The following FRMD3 variants were observed in gnomAD, a reference collection of about 807,000 sequenced individuals.
FRMD3 encodes FERM domain containing 3.
Under a neutral mutation model 70.2 loss-of-function variants are expected in FRMD3, and 33 were observed. That is an observed-to-expected ratio of 0.47 (90% CI 0.36 to 0.63). The LOEUF is 0.63. Ranked by LOEUF, FRMD3 falls within the 20% of genes least tolerant of loss-of-function variation. FRMD3 has a pLI of 0.00. For synonymous variants in FRMD3, 279 were observed against 255.9 expected (o/e 1.09, Z -0.86); for missense variants, 632 against 711.4 (o/e 0.89, Z 1.27).
At chr9:83,344,410 G>C (rs1823880929) in intron 4 of FRMD3, among the ~76,000 whole-genome samples, 1 of 152,152 alleles carries the variant, frequency 6.6e-6, no homozygotes, top group Admixed American at 6.5e-5. Context: ...CAGATATCTG[G>C]TTCAACATTT....
intron 1 of FRMD3, among the ~76,000 whole-genome samples, chr9:83,466,725 C>T (rs1452209398): frequency 6.6e-6 from 1 of 152,174 alleles, no homozygotes; most frequent in Non-Finnish European, 1.5e-5. Flanking sequence ...CCATGTTGAA[C>T]TTTAACTGTG....
At chr9:83,344,408 T>C (rs1823880822) in intron 4 of FRMD3, among the ~76,000 whole-genome samples, 1 of 152,238 alleles carries the variant, frequency 6.6e-6, no homozygotes, top group African/African-American at 2.4e-5. Context: ...CCCAGATATC[T>C]GGTTCAACAT....
chr9:83,456,350 C>T (rs536310557), intron 1 of FRMD3, among the ~76,000 whole-genome samples: 15 of 152,136 alleles, frequency 9.9e-5, no homozygotes, highest in Non-Finnish European at 2.1e-4. Context: ...TTGAAACAAA[C>T]AGTGCTGCTG....
chr9:83,359,995 T>C (rs1824531916), intron 3 of FRMD3, among the ~76,000 whole-genome samples: 1 of 152,272 alleles, frequency 6.6e-6, no homozygotes, highest in South Asian at 2.1e-4. Context: ...TTTACCTGGG[T>C]TGAAAGAGTG....
intron 1 of FRMD3, among the ~76,000 whole-genome samples, chr9:83,501,084 C>T (rs2889244): frequency 0.055 from 8,373 of 152,182 alleles, 308 homozygotes; most frequent in East Asian, 0.2. Context: ...AAACAATTGT[C>T]TTCTGTAATT....
At chr9:83,441,723 G>A (rs1827301455) in intron 1 of FRMD3, among the ~76,000 whole-genome samples, 1 of 152,024 alleles carries the variant, frequency 6.6e-6, no homozygotes, top group Non-Finnish European at 1.5e-5. Context: ...CATTTTCCTG[G>A]GCAAAAACAA....
intron 6 of FRMD3, among the ~76,000 whole-genome samples, chr9:83,323,711 A>T (rs1835900896): frequency 6.6e-6 from 1 of 152,254 alleles, no homozygotes; most frequent in South Asian, 2.1e-4. Context: ...TCTGGTATTC[A>T]GTTATAGCAA....
the FRMD3 span, among the ~76,000 whole-genome samples, chr9:83,554,695 G>A: frequency 6.6e-6 from 1 of 152,228 alleles, no homozygotes; most frequent in Non-Finnish European, 1.5e-5. Context: ...CACTGCAGAA[G>A]CAGTGGAAGA....
intron 13 of FRMD3, among the ~76,000 whole-genome samples, chr9:83,269,656 C>A (rs558608282): frequency 6.6e-6 from 1 of 152,000 alleles, no homozygotes; most frequent in Non-Finnish European, 1.5e-5. Context: ...TTGCAGCAAG[C>A]CGAGATCTCA....
intron 1 of FRMD3, among the ~76,000 whole-genome samples, chr9:83,479,633 AAGGAAGGAAGGAAGGAAGGAAGGAAG>A (rs1564096587): frequency 2.8e-4 from 11 of 39,966 alleles, no homozygotes; most frequent in East Asian, 4.7e-4. Flanking sequence ...GAAAGGAAGG[AAGGAAGGAAGGAAGGAAGGAAGGAAG>A]GAAGGAAGGA....
At chr9:83,253,346 A>T (rs1449019316) in intron 13 of FRMD3, among the ~76,000 whole-genome samples, 2 of 152,226 alleles carry the variant, frequency 1.3e-5, no homozygotes, top group African/African-American at 4.8e-5. Flanking sequence ...AATGTACCAG[A>T]ATCTCTGGGA....
intron 5 of FRMD3, 125 bp downstream of exon 5, chr9:83,343,065 C>G (rs1823827975): frequency 9.7e-6 from 7 of 720,436 alleles, no homozygotes; most frequent in Non-Finnish European, 5.0e-6. Flanking sequence ...GCTACGTACC[C>G]AGCCCTACAT....
At chr9:83,490,792 TCTCTCTCA>T (rs1377052897) in intron 1 of FRMD3, among the ~76,000 whole-genome samples, 3 of 119,318 alleles carry the variant, frequency 2.5e-5, no homozygotes, top group African/African-American at 7.7e-5. Flanking sequence ...TCTCTCTCTC[TCTCTCTCA>T]CACACACACA....
rs1165706065 is a variant in FRMD3 at position 83,313,767 on chromosome 9, G to T, written c.597-20C>A. 2 of 1,580,886 alleles carry T rather than the reference G, an allele frequency of 1.3e-6. No individual in the cohort carries two copies. Among genetic ancestry groups the T allele is most frequent in the Non-Finnish European group, 1.7e-6 (2 of 1,149,818 alleles). The stretch of plus-strand genomic sequence containing the variant: ...TGCCCCCTAAAATCACACAAGAAAA[G>T]TTGAGGCAGTTAAAATGGAAAAGAA... On this transcript the variant is annotated intron_variant, in intron 6 of 13. Transcript: ENST00000304195.
At chr9:83,293,813 G>A (rs1834547420) in intron 12 of FRMD3, among the ~76,000 whole-genome samples, 1 of 152,174 alleles carries the variant, frequency 6.6e-6, no homozygotes, top group African/African-American at 2.4e-5. Context: ...TCCTGCAGTG[G>A]ATTACAACCC....
intron 3 of FRMD3, among the ~76,000 whole-genome samples, chr9:83,370,108 AGAAACAGT>A (rs1824922011): frequency 6.6e-6 from 1 of 152,170 alleles, no homozygotes; most frequent in African/African-American, 2.4e-5. Context: ...TCTGTGAGTA[AGAAACAGT>A]TCCTCCAAGG....
chr9:83,429,112 T>C (rs1303225433), intron 1 of FRMD3, among the ~76,000 whole-genome samples: 1 of 152,232 alleles, frequency 6.6e-6, no homozygotes, highest in Admixed American at 6.5e-5. Context: ...AGAATTAACG[T>C]GACTGATCCA....
At chr9:83,319,948 A>G (rs1283559457) in intron 6 of FRMD3, among the ~76,000 whole-genome samples, 1 of 152,220 alleles carries the variant, frequency 6.6e-6, no homozygotes, top group Non-Finnish European at 1.5e-5. Context: ...CTTTATCAGC[A>G]GTGTGAAAAT....
intron 1 of FRMD3, among the ~76,000 whole-genome samples, chr9:83,479,284 TAAAAGAAGA>T (rs1484704726): frequency 2.7e-4 from 26 of 97,416 alleles, no homozygotes; most frequent in African/African-American, 1.0e-3. Context: ...ACTGTGTCTC[TAAAAGAAGA>T]AGAAGAAGAA....
Sources: gnomAD v4.1 joint callset for allele counts (sites outside exome capture counted in the v4.1 genomes callset) on GRCh38, gnomAD v4.1.1 for gene constraint, MANE v1.5 for transcripts, NCBI Gene and HGNC (gene_info 2026-07-23, HGNC 2026-07-21) for gene names.